Variants in FREM1 observed in about 807,000 individuals in gnomAD.
The protein encoded by FREM1 is FRAS1 related extracellular matrix 1, also known as FRAS1-related extracellular matrix protein 1.
FREM1 carries 220 observed loss-of-function variants against 210.1 expected under a neutral mutation model. The ratio of observed to expected loss-of-function variants is 1.05; its 90% CI spans 0.94 to 1.17. The LOEUF is 1.17. Among genes scored for constraint, FREM1 ranks in the 50% most tolerant of loss-of-function variants. The pLI is 0.00. For missense variants in FREM1, 3,454 were observed against 2,675.5 expected, an observed-to-expected ratio of 1.29 and a Z score of -6.42; for synonymous variants, 1,189 against 980.2, an observed-to-expected ratio of 1.21 and a Z score of -3.98.
chr9:14,910,741 T>C (rs1024277909), upstream of FREM1: 2 of 152,402 alleles, frequency 1.3e-5, no homozygotes, highest in East Asian at 1.9e-4. Flanking sequence ...AGGCCGCACA[T>C]GCCCACACCC....
At chr9:14,845,855 TGAGAAATTGGGCCCAA>T in intron 8 of FREM1, 89 bp downstream of exon 8, 1 of 1,153,604 alleles carries the variant, frequency 8.7e-7, no homozygotes, top group Non-Finnish European at 1.2e-6. Context: ...ACAATTTCAT[TGAGAAATTGGGCCCAA>T]GAGATGCTAC....
rs143411447 is a variant in FREM1 at position 14,789,664 on chromosome 9, C to G, written c.3982-550G>C. Among the ~76,000 whole-genome samples, 707 of 152,266 alleles carry G rather than the reference C, an allele frequency of 4.6e-3. 8 individuals are homozygous for G. Among genetic ancestry groups the G allele is most frequent in the African/African-American group, 0.016 (663 of 41,552 alleles). On this transcript the variant is annotated intron_variant, in intron 22 of 36. Transcript: ENST00000380880. The stretch of plus-strand genomic sequence containing the variant: ...AAATGATGGGGATCACTATCACTAC[C>G]TACATTTATATCCTAAGTCATCAAA...
chr9:14,817,506 C>A (rs1563997599), intron 14 of FREM1, among the ~76,000 whole-genome samples: 1 of 152,150 alleles, frequency 6.6e-6, no homozygotes, highest in Non-Finnish European at 1.5e-5. Context: ...AGCCACATTT[C>A]TTGAAGGCAT....
intron 10 of FREM1, among the ~76,000 whole-genome samples, chr9:14,827,144 T>C (rs2130884986): frequency 7.0e-6 from 1 of 142,330 alleles, no homozygotes; most frequent in East Asian, 2.1e-4. Flanking sequence ...AGGGCAATTC[T>C]GGTGAGGGCT....
chr9:14,777,664 G>C (rs1359523989), intron 24 of FREM1, among the ~76,000 whole-genome samples: 1 of 151,780 alleles, frequency 6.6e-6, no homozygotes, highest in Non-Finnish European at 1.5e-5. Flanking sequence ...TTTTTAACTA[G>C]AGAAGGTATG....
At chr9:14,804,420 G>T (rs201358289) in intron 19 of FREM1, among the ~76,000 whole-genome samples, 5 of 152,008 alleles carry the variant, frequency 3.3e-5, no homozygotes, top group African/African-American at 1.2e-4. Context: ...CCCGTCTCTA[G>T]TGAAAATACA....
At chr9:14,746,088 C>T (rs1842372212) in intron 35 of FREM1, among the ~76,000 whole-genome samples, 2 of 152,070 alleles carry the variant, frequency 1.3e-5, no homozygotes. Context: ...GCAGCTTTAA[C>T]AGAAAAGAGC....
chr9:14,747,840 T>C (rs1842740128), intron 31 of FREM1, 112 bp from the exon 32 acceptor site: 1 of 574,684 alleles, frequency 1.7e-6, no homozygotes, highest in South Asian at 3.3e-5. Context: ...ACAAAACATA[T>C]GTAATCTTAA....
At chr9:14,878,438 C>T (rs1291227048) in intron 1 of FREM1, among the ~76,000 whole-genome samples, 1 of 152,198 alleles carries the variant, frequency 6.6e-6, no homozygotes, top group Non-Finnish European at 1.5e-5. Flanking sequence ...TCAAATGTCA[C>T]ACTTGCAGTG....
rs148199767 is a variant in FREM1 at position 14,888,342 on chromosome 9, C to T, written c.-267-19098G>A. Among the ~76,000 whole-genome samples, 6 of 152,290 alleles carry T rather than the reference C, an allele frequency of 3.9e-5. No individual in the cohort carries two copies. The East Asian group carries it at 9.6e-4, about 24-fold the overall frequency. ...CCCTTAACCACTACTGTTATATATA[C>T]ACTGCTTCACATCACACCAAAACCT... On this transcript the variant is annotated intron_variant, in intron 1 of 36. Transcript: ENST00000380880.
intron 5 of FREM1, among the ~76,000 whole-genome samples, chr9:14,853,989 T>C (rs1402814341): frequency 5.3e-5 from 8 of 152,164 alleles, no homozygotes; most frequent in Non-Finnish European, 7.3e-5. Flanking sequence ...TAATAAAGTA[T>C]AACAATCATA....
chr9:14,842,784 G>GA, intron 8 of FREM1, 124 bp from the exon 9 acceptor site: 3 of 660,988 alleles, frequency 4.5e-6, no homozygotes, highest in Non-Finnish European at 7.8e-6. Flanking sequence ...CCCTCACCTG[G>GA]AAAAACTACA....
At position 14,828,646 on chromosome 9, in the gene FREM1, GGGA is replaced by G. The variant is rs940674223; in HGVS notation, c.1882-3657_1882-3655del. 1.1e-4 allele frequency among the ~76,000 whole-genome samples: 16 copies of G among 147,066 alleles called. 2 individuals are homozygous for G. Among genetic ancestry groups the G allele is most frequent in the African/African-American group, 3.1e-4 (12 of 39,160 alleles). ...AAGAACATAAATTGTGGCGGGGCGG[GGGA>G]GGTGCCGGGGTAGAATGTTATGGCT... On this transcript the variant is annotated intron_variant, in intron 10 of 36. Coordinates refer to ENST00000380880, the MANE Select transcript of FREM1 (RefSeq NM_001379081.2).
At chr9:14,844,054 C>CAAGTTAAAGAATGCTTTAACAAGTTAA (rs1826163826) in intron 8 of FREM1, among the ~76,000 whole-genome samples, 1 of 152,144 alleles carries the variant, frequency 6.6e-6, no homozygotes, top group African/African-American at 2.4e-5. Flanking sequence ...TTAAAGTATA[C>CAAGTTAAAGAATGCTTTAACAAGTTAA]AGAATGCTTT....
chr9:14,803,496 C>A (rs1322035988), intron 19 of FREM1, among the ~76,000 whole-genome samples: 1 of 151,848 alleles, frequency 6.6e-6, no homozygotes, highest in African/African-American at 2.4e-5. Context: ...GTAGCTAGGA[C>A]CATAGGCATG....
intron 23 of FREM1, among the ~76,000 whole-genome samples, chr9:14,788,278 T>C (rs1476513150): frequency 6.6e-6 from 1 of 152,156 alleles, no homozygotes; most frequent in Non-Finnish European, 1.5e-5. Flanking sequence ...TCTTCCTTGC[T>C]GAGCTTTTTA....
intron 29 of FREM1, among the ~76,000 whole-genome samples, chr9:14,755,719 G>C (rs76520204): frequency 6.6e-6 from 1 of 152,160 alleles, no homozygotes; most frequent in Admixed American, 6.5e-5. Flanking sequence ...GCCTCCCGTG[G>C]GAAGTCTTCC....
At chr9:14,852,354 C>A (rs1268357779) in intron 5 of FREM1, among the ~76,000 whole-genome samples, 1 of 152,090 alleles carries the variant, frequency 6.6e-6, no homozygotes, top group East Asian at 1.9e-4. Context: ...TGAAATTGTG[C>A]CACAAGATCT....
intron 27 of FREM1, among the ~76,000 whole-genome samples, chr9:14,766,498 T>C (rs6474854): frequency 0.98 from 148,773 of 152,214 alleles, 72,797 homozygotes; most frequent in Middle Eastern, 1. Context: ...GTGATGCAGT[T>C]AAACAAGCAC....
Sources: gnomAD v4.1 joint callset for allele counts (sites outside exome capture counted in the v4.1 genomes callset) on GRCh38, gnomAD v4.1.1 for gene constraint, MANE v1.5 for transcripts, NCBI Gene and HGNC (gene_info 2026-07-23, HGNC 2026-07-21) for gene names.